The following PRR5L variants were observed in gnomAD, a reference collection of about 807,000 sequenced individuals.
The protein encoded by PRR5L is proline-rich protein 5-like.
In PRR5L, 21 loss-of-function variants were observed where a neutral mutation model predicts 36.4. The observed-to-expected ratio is 0.58, with a 90% CI of 0.41 to 0.83. PRR5L has a LOEUF of 0.83. Among genes scored for constraint, PRR5L ranks in the 40% least tolerant of loss-of-function variants. The probability of loss-of-function intolerance (pLI) is 0.00; values close to 1 mark genes in which losing one functional copy is unlikely to be tolerated. For synonymous variants in PRR5L, 188 were observed against 197.0 expected (o/e 0.95, Z 0.38); for missense variants, 381 against 473.3 (o/e 0.80, Z 1.81).
intron 1 of PRR5L, among the ~76,000 whole-genome samples, chr11:36,356,381 G>A (rs984105554): frequency 3.3e-5 from 5 of 152,102 alleles, no homozygotes; most frequent in Non-Finnish European, 5.9e-5. Context: ...GTAAAGTACT[G>A]GGGTGGCAGC....
intron 8 of PRR5L, among the ~76,000 whole-genome samples, chr11:36,458,717 G>A (rs576254424): frequency 6.6e-6 from 1 of 152,328 alleles, no homozygotes; most frequent in South Asian, 2.1e-4. Flanking sequence ...TCCACTGGAA[G>A]AGCAGAGAGT....
chr11:36,373,812 T>C (rs1857221780), intron 1 of PRR5L, among the ~76,000 whole-genome samples: 1 of 152,110 alleles, frequency 6.6e-6, no homozygotes, highest in African/African-American at 2.4e-5. Context: ...ATTAACCTTT[T>C]TTTTCTTATT....
chr11:36,358,311 G>A (rs1177781222), intron 1 of PRR5L, among the ~76,000 whole-genome samples: 4 of 152,202 alleles, frequency 2.6e-5, no homozygotes, highest in African/African-American at 7.2e-5. Context: ...GGCTAACTTC[G>A]TTGTTGTCTT....
chr11:36,403,396 C>G lies in PRR5L; in HGVS notation c.245+18C>G. The G allele has an allele frequency of 1.2e-6, 2 of 1,608,254 alleles. No individual in the cohort carries two copies. The highest frequency in any genetic ancestry group is 1.7e-6 in the Non-Finnish European group (2 of 1,175,602). Reference sequence around the variant, plus strand: ...AACATCAGGTATGTGGCAGGCCAGACTTGGTGCCATTTTCCCCTATAAACC... The same window carrying G: ...AACATCAGGTATGTGGCAGGCCAGAGTTGGTGCCATTTTCCCCTATAAACC... On this transcript the variant is annotated intron_variant, in intron 3 of 8. Coordinates refer to ENST00000530639, the MANE Select transcript of PRR5L (RefSeq NM_001160167.2).
At chr11:36,360,609 G>A (rs996376750) in intron 1 of PRR5L, among the ~76,000 whole-genome samples, 9 of 152,206 alleles carry the variant, frequency 5.9e-5, no homozygotes, top group Non-Finnish European at 1.0e-4. Context: ...AGCTCAAGGC[G>A]TATGTGTGTG....
At chr11:36,371,834 G>A (rs1032146780) in intron 1 of PRR5L, among the ~76,000 whole-genome samples, 7 of 152,046 alleles carry the variant, frequency 4.6e-5, no homozygotes, top group African/African-American at 9.7e-5. Flanking sequence ...AGAGGTGGGC[G>A]GATCACCCGA....
intron 1 of PRR5L, among the ~76,000 whole-genome samples, chr11:36,378,255 G>A (rs910129792): frequency 6.4e-4 from 97 of 152,288 alleles, no homozygotes; most frequent in African/African-American, 2.2e-3. Context: ...TTAGCCCCTG[G>A]TAAGGTTCCC....
At chr11:36,303,553 A>G (rs1856399194) in intron 1 of PRR5L, among the ~76,000 whole-genome samples, 1 of 152,158 alleles carries the variant, frequency 6.6e-6, no homozygotes, top group South Asian at 2.1e-4. Context: ...TGAATTTTTT[A>G]ATCTGCACCT....
intron 1 of PRR5L, among the ~76,000 whole-genome samples, chr11:36,324,301 A>G (rs1156447908): frequency 6.6e-6 from 1 of 152,238 alleles, no homozygotes; most frequent in Non-Finnish European, 1.5e-5. Context: ...AAAAATATAT[A>G]CTGCATCATT....
chr11:36,400,019 A>G (rs950993992), intron 1 of PRR5L, among the ~76,000 whole-genome samples: 2 of 152,216 alleles, frequency 1.3e-5, no homozygotes, highest in Non-Finnish European at 2.9e-5. Flanking sequence ...TTAAGACTCA[A>G]ACCTGAAGCC....
intron 1 of PRR5L, among the ~76,000 whole-genome samples, chr11:36,336,016 A>G (rs546825282): frequency 1.3e-5 from 2 of 152,234 alleles, no homozygotes; most frequent in East Asian, 3.9e-4. Context: ...AGAACATGAG[A>G]GGGAATGTGG....
At chr11:36,367,741 TCTCTCTC>T (rs1331837389) in intron 1 of PRR5L, among the ~76,000 whole-genome samples, 2 of 288 alleles carry the variant, frequency 6.9e-3, no homozygotes, top group Non-Finnish European at 0.016. Context: ...CCAGAGAACT[TCTCTCTC>T]TCTCTCTCTC....
intron 2 of PRR5L, 66 bp from the exon 3 acceptor site, chr11:36,403,232 G>A (rs1564937786): frequency 7.1e-7 from 1 of 1,404,854 alleles, no homozygotes; most frequent in East Asian, 2.3e-5. Flanking sequence ...CTTCAGCCCT[G>A]AGCTGCTATT....
chr11:36,328,025 CA>C (rs1856682269), intron 1 of PRR5L, among the ~76,000 whole-genome samples: 1 of 152,186 alleles, frequency 6.6e-6, no homozygotes. Context: ...ACATTTGGCT[CA>C]GAATAAATCT....
intron 3 of PRR5L, among the ~76,000 whole-genome samples, chr11:36,417,803 G>T (rs1451161718): frequency 6.6e-6 from 1 of 152,170 alleles, no homozygotes; most frequent in Non-Finnish European, 1.5e-5. Context: ...TGTTTTGGGG[G>T]AGTGAATACT....
chr11:36,388,694 C>CTTT lies in PRR5L; in HGVS notation c.-125-12302_-125-12300dup, dbSNP rs1252535250. On this transcript the variant is annotated intron_variant, in intron 1 of 8. Transcript: ENST00000530639. ...TTCTTTCATTCAAGGTCGGCTCTTT[C>CTTT]TTTCTTTTTTTTTTTTTTTTTTGAG... is the stretch of plus-strand genomic sequence containing the variant. Among the ~76,000 whole-genome samples, 522 of 112,706 alleles carry CTTT rather than the reference C, an allele frequency of 4.6e-3. 76 individuals are homozygous for CTTT. Among genetic ancestry groups the CTTT allele is most frequent in the East Asian group, 0.021 (68 of 3,314 alleles). 73.9% of individuals were successfully genotyped at this position (112,706 alleles called of 152,430 possible). A position where few individuals can be genotyped will look rare whatever the true frequency, so the allele number is the denominator to read the frequency against.
At chr11:36,338,198 G>C (rs1409551532) in intron 1 of PRR5L, among the ~76,000 whole-genome samples, 1 of 152,170 alleles carries the variant, frequency 6.6e-6, no homozygotes, top group Non-Finnish European at 1.5e-5. Flanking sequence ...GGCATTGAAG[G>C]CCTTTCTCAA....
chr11:36,315,648 C>G (rs1031610028), intron 1 of PRR5L, among the ~76,000 whole-genome samples: 3 of 152,160 alleles, frequency 2.0e-5, no homozygotes, highest in Non-Finnish European at 2.9e-5. Flanking sequence ...GACCAGTGTT[C>G]CCTTTGATTT....
intron 1 of PRR5L, among the ~76,000 whole-genome samples, chr11:36,372,528 A>G (rs986729836): frequency 6.6e-6 from 1 of 152,200 alleles, no homozygotes; most frequent in Non-Finnish European, 1.5e-5. Flanking sequence ...ATTCTATTGC[A>G]TAATTTCTGC....
Sources: gnomAD v4.1 joint callset for allele counts (sites outside exome capture counted in the v4.1 genomes callset) on GRCh38, gnomAD v4.1.1 for gene constraint, MANE v1.5 for transcripts, NCBI Gene and HGNC (gene_info 2026-07-23, HGNC 2026-07-21) for gene names.